The following FMN1 variants were observed in gnomAD, a reference collection of about 807,000 sequenced individuals.
The protein encoded by FMN1 is formin 1.
A neutral mutation model predicts 132.4 loss-of-function variants in FMN1; 110 were observed. The ratio of observed to expected loss-of-function variants is 0.83; its 90% confidence interval spans 0.71 to 0.97. FMN1 has a LOEUF of 0.97. Among genes scored for constraint, FMN1 ranks in the 50% least tolerant of loss-of-function variants. The pLI is 0.00. For missense variants in FMN1, 1,792 were observed against 1,705.3 expected, an observed-to-expected ratio of 1.05 and a Z score of -0.90; for synonymous variants, 722 against 651.7, an observed-to-expected ratio of 1.11 and a Z score of -1.64.
intron 6 of FMN1, among the ~76,000 whole-genome samples, chr15:33,024,720 T>G (rs1404829542): frequency 6.6e-6 from 1 of 152,186 alleles, no homozygotes; most frequent in Non-Finnish European, 1.5e-5. Context: ...TACTCTAATG[T>G]TCATCCTCTA....
intron 16 of FMN1, among the ~76,000 whole-genome samples, chr15:32,863,581 T>C (rs952113550): frequency 1.3e-5 from 2 of 152,244 alleles, no homozygotes; most frequent in African/African-American, 4.8e-5. Flanking sequence ...TCAGACATTA[T>C]AGTGAATGGG....
At chr15:32,944,624 G>A (rs1015945654) in intron 9 of FMN1, among the ~76,000 whole-genome samples, 1 of 152,096 alleles carries the variant, frequency 6.6e-6, no homozygotes, top group Non-Finnish European at 1.5e-5. Flanking sequence ...AAGGCAAATT[G>A]TCACCCTGTC....
intron 6 of FMN1, among the ~76,000 whole-genome samples, chr15:33,015,282 C>CT (rs974578821): frequency 1.3e-5 from 2 of 152,108 alleles, no homozygotes; most frequent in Non-Finnish European, 2.9e-5. Flanking sequence ...CTTGGGGTAA[C>CT]TTTTTTCATA....
chr15:33,008,990 A>C (rs7164890), intron 6 of FMN1, among the ~76,000 whole-genome samples: 147 of 152,316 alleles, frequency 9.7e-4, no homozygotes, highest in African/African-American at 3.2e-3. Flanking sequence ...AGATTTCCTA[A>C]ATCAGGCATG....
chr15:32,946,298 A>G (rs2061509989), intron 9 of FMN1, among the ~76,000 whole-genome samples: 1 of 152,148 alleles, frequency 6.6e-6, no homozygotes, highest in Non-Finnish European at 1.5e-5. Flanking sequence ...TAGTGACTGA[A>G]AAAACCTACC....
intron 6 of FMN1, among the ~76,000 whole-genome samples, chr15:33,045,276 TTG>T (rs1230797381): frequency 6.6e-6 from 1 of 152,162 alleles, no homozygotes; most frequent in African/African-American, 2.4e-5. Context: ...CCATGCTCAC[TTG>T]TTTACACACC....
At chr15:33,033,199 T>TG (rs2036024647) in intron 6 of FMN1, among the ~76,000 whole-genome samples, 2 of 151,936 alleles carry the variant, frequency 1.3e-5, no homozygotes, top group African/African-American at 4.8e-5. Context: ...CGCGGCTAAT[T>TG]TTTTGTATTT....
At chr15:33,181,345 G>A (rs1965693145) in intron 2 of FMN1, among the ~76,000 whole-genome samples, 1 of 152,112 alleles carries the variant, frequency 6.6e-6, no homozygotes, top group Admixed American at 6.5e-5. Flanking sequence ...CTTTTTCTGA[G>A]ATGTCTCTCC....
intron 3 of FMN1, among the ~76,000 whole-genome samples, chr15:33,170,565 A>G (rs1384067096): frequency 2.0e-5 from 3 of 151,964 alleles, no homozygotes; most frequent in African/African-American, 7.2e-5. Flanking sequence ...TAAAAAAAAA[A>G]AAAACCCGTT....
chr15:32,865,850 A>T (rs199842090), intron 16 of FMN1, among the ~76,000 whole-genome samples: 3,378 of 136,952 alleles, frequency 0.025, 131 homozygotes, highest in African/African-American at 0.073. Flanking sequence ...AAAAAAAAAA[A>T]AAATAAAATA....
chr15:32,807,834 A>G (rs1392106686), intron 17 of FMN1, among the ~76,000 whole-genome samples: 1 of 152,216 alleles, frequency 6.6e-6, no homozygotes, highest in Non-Finnish European at 1.5e-5. Flanking sequence ...TAGAGATTTA[A>G]ATGTTCCCTA....
chr15:33,031,736 G>A (rs1404855869), intron 6 of FMN1, among the ~76,000 whole-genome samples: 1 of 152,176 alleles, frequency 6.6e-6, no homozygotes, highest in Non-Finnish European at 1.5e-5. Flanking sequence ...CAAGCTGGAG[G>A]GCCAGGCTCA....
intron 9 of FMN1, among the ~76,000 whole-genome samples, chr15:32,937,245 C>CAAAGTACCTCCCCA (rs776117344): frequency 6.6e-6 from 1 of 152,224 alleles, no homozygotes; most frequent in Non-Finnish European, 1.5e-5. Context: ...AACCAGTCTT[C>CAAAGTACCTCCCCA]AAAGTACCTC....
chr15:32,855,156 GTAAAAAA>G (rs2059099153), intron 17 of FMN1, among the ~76,000 whole-genome samples: 1 of 70,580 alleles, frequency 1.4e-5, no homozygotes, highest in Admixed American at 1.6e-4. Flanking sequence ...TACGTGGAGA[GTAAAAAA>G]AAAAAAAAAA....
chr15:32,898,139 C>T (rs1195887370), intron 15 of FMN1, among the ~76,000 whole-genome samples: 1 of 152,286 alleles, frequency 6.6e-6, no homozygotes, highest in East Asian at 1.9e-4. Context: ...CTCTACTATT[C>T]TTCCCTCGAT....
chr15:32,827,089 TTG>T (rs1444413428), intron 17 of FMN1, among the ~76,000 whole-genome samples: 1 of 152,090 alleles, frequency 6.6e-6, no homozygotes, highest in Non-Finnish European at 1.5e-5. Context: ...CATGAACAGG[TTG>T]TGTGAGACAG....
chr15:33,070,602 G>C (rs967830370), intron 5 of FMN1, among the ~76,000 whole-genome samples: 1 of 152,056 alleles, frequency 6.6e-6, no homozygotes, highest in East Asian at 1.9e-4. Context: ...CAATTTCATG[G>C]GAAGTGGGTC....
At chr15:32,828,369 C>T (rs2141142171) in intron 17 of FMN1, among the ~76,000 whole-genome samples, 1 of 152,342 alleles carries the variant, frequency 6.6e-6, no homozygotes, top group Middle Eastern at 3.4e-3. Flanking sequence ...TTCATCCTTT[C>T]TGTAGTGCAG....
Position 33,065,475 on chromosome 15 carries a change from A to C in FMN1, c.2044-401T>G, listed in dbSNP as rs147933837. On this transcript the variant is annotated intron_variant, in intron 5 of 20. Transcript: ENST00000616417. ...CCAGGATTATTTAACACAAAGACTA[A>C]TTTCAAGAACATCAGTGGTAGACCA... Among the ~76,000 whole-genome samples, 846 of 152,316 alleles carry C rather than the reference A, an allele frequency of 5.6e-3. 10 individuals are homozygous for C. The highest frequency in any genetic ancestry group is 0.02 in the African/African-American group (820 of 41,554).
Sources: gnomAD v4.1 joint callset for allele counts (sites outside exome capture counted in the v4.1 genomes callset) on GRCh38, gnomAD v4.1.1 for gene constraint, MANE v1.5 for transcripts, NCBI Gene and HGNC (gene_info 2026-07-23, HGNC 2026-07-21) for gene names.